Variants in SNX31 observed in about 807,000 individuals in gnomAD.
SNX31 encodes sorting nexin-31.
SNX31 carries 58 observed loss-of-function variants against 65.4 expected under a neutral mutation model. The observed-to-expected ratio is 0.89, with a 90% confidence interval of 0.72 to 1.10. SNX31 has a LOEUF of 1.10. Ranked by LOEUF, SNX31 falls within the 50% of genes least tolerant of loss-of-function variation. The probability of loss-of-function intolerance (pLI) is 0.00; values close to 1 mark genes in which losing one functional copy is unlikely to be tolerated. For synonymous variants in SNX31, 181 were observed against 190.1 expected (o/e 0.95, Z 0.39); for missense variants, 523 against 529.7 (o/e 0.99, Z 0.12).
At chr8:100,597,626 G>A (rs1213074799) in intron 9 of SNX31, among the ~76,000 whole-genome samples, 1 of 152,234 alleles carries the variant, frequency 6.6e-6, no homozygotes, top group Non-Finnish European at 1.5e-5. Context: ...TTATATGATG[G>A]TGGTAGTAAT....
chr8:100,581,311 T>TATATATATATATA, intron 12 of SNX31, among the ~76,000 whole-genome samples: 1 of 122,718 alleles, frequency 8.1e-6, no homozygotes, highest in Admixed American at 8.2e-5. Flanking sequence ...AAAAAATTTT[T>TATATATATATATA]TATATATCTA....
upstream of SNX31, among the ~76,000 whole-genome samples, chr8:100,652,851 G>A (rs545352075): frequency 3.9e-5 from 6 of 152,150 alleles, no homozygotes; most frequent in East Asian, 1.2e-3. Flanking sequence ...ACACCAGAGG[G>A]GCCCAGCCAA....
chr8:100,633,824 C>T (rs1018588731), intron 3 of SNX31, among the ~76,000 whole-genome samples: 4 of 151,858 alleles, frequency 2.6e-5, no homozygotes, highest in African/African-American at 4.8e-5. Flanking sequence ...ATCTGGGTGG[C>T]GTATACAGAA....
chr8:100,598,900 C>T (rs1206943155), intron 9 of SNX31, among the ~76,000 whole-genome samples: 2 of 152,212 alleles, frequency 1.3e-5, no homozygotes, highest in African/African-American at 4.8e-5. Context: ...GCCAATAAAA[C>T]TTTATTTGCA....
chr8:100,587,678 C>T (rs1335510626), intron 11 of SNX31, among the ~76,000 whole-genome samples: 2 of 152,198 alleles, frequency 1.3e-5, no homozygotes, highest in East Asian at 1.9e-4. Context: ...GACATCTTTG[C>T]TTTCTGATGG....
At position 100,630,268 on chromosome 8, in the gene SNX31, G is replaced by C; in HGVS notation, c.321+59C>G. 1 of 1,521,876 alleles carries C rather than the reference G, an allele frequency of 6.6e-7. No homozygotes were observed. Among genetic ancestry groups the C allele is most frequent in the Admixed American group, 1.7e-5 (1 of 59,230 alleles). The allele number at this position is 1,521,876 out of a possible 1,614,324, so 94.3% of individuals were successfully genotyped here. On this transcript the variant is annotated intron_variant, in intron 4 of 13. Transcript: ENST00000311812. The surrounding 1 kb of genome is among the most constrained non-coding windows in gnomAD (Gnocchi z 5.3). ...CACATGTGTGTGTACCTGCACACTT[G>C]GTTCATGAAGAGTGTCCTGCAGAGG...
At chr8:100,637,538 C>T (rs778867969) in intron 2 of SNX31, among the ~76,000 whole-genome samples, 3 of 152,140 alleles carry the variant, frequency 2.0e-5, no homozygotes, top group African/African-American at 4.8e-5. Flanking sequence ...TCAAGAATCT[C>T]ATGACTTCTC....
rs146603887 is a variant in SNX31, at chr8:100,613,022, G to C, written c.496C>G (p.Arg166Gly). Reference sequence around the variant, plus strand: ...GAGAGCTTGCCCTCCTTGCCAAACCGAATGAGAAAGAGGCCGAAGTAGCCC... The same window carrying C: ...GAGAGCTTGCCCTCCTTGCCAAACCCAATGAGAAAGAGGCCGAAGTAGCCC... The part of the protein sequence containing the change: ...LLGYFGLFLI[R>G]FGKEGKLSVV... The change falls in exon 6 of 14, where the codon CGG becomes GGG. Residue 166 changes from arginine (R) to glycine (G), a missense_variant. Coordinates refer to ENST00000311812, the MANE Select transcript of SNX31 (RefSeq NM_152628.4). The surrounding 1 kb of genome is among the most constrained non-coding windows in gnomAD (Gnocchi z 5.2). The C allele has an allele frequency of 6.2e-7, 1 of 1,613,904 alleles. No individual in the cohort carries two copies. The highest frequency in any genetic ancestry group is 1.7e-5 in the Admixed American group (1 of 60,004).
chr8:100,639,199 G>A (rs7008763), intron 2 of SNX31, among the ~76,000 whole-genome samples: 72,546 of 151,936 alleles, frequency 0.48, 17,607 homozygotes, highest in African/African-American at 0.55. Flanking sequence ...CAGAAGCTTC[G>A]TGTTTGCAAA....
At position 100,618,286 on chromosome 8, in the gene SNX31, C is replaced by A. The variant is rs981920551; in HGVS notation, c.322-556G>T. The A allele has an allele frequency of 6.6e-6, 10 of 1,516,356 alleles. No individual in the cohort carries two copies. The African/African-American group carries it at 1.1e-4, about 17-fold the overall frequency. 93.9% of individuals were successfully genotyped at this position (1,516,356 alleles called of 1,614,324 possible). A position where few individuals can be genotyped will look rare whatever the true frequency, so the allele number is the denominator to read the frequency against. ...TGAGTATCTATATTGGAGAAAACAG[C>A]TTTTGATAAAGTCTGCATCCTTAAC... On this transcript the variant is annotated intron_variant, in intron 4 of 13. Transcript: ENST00000311812.
At position 100,629,608 on chromosome 8, in the gene SNX31, CT is replaced by C. The variant is rs1818286042; in HGVS notation, c.321+718del. 1.3e-5 allele frequency among the ~76,000 whole-genome samples: 2 copies of C among 152,210 alleles called. No individual in the cohort carries two copies. Among genetic ancestry groups the C allele is most frequent in the South Asian group, 4.1e-4 (2 of 4,832 alleles). ...TTTTGCAAATCTGATCATTCCTCCC[CT>C]GGCTAAGGATCCAGTTAACTAGTAT... On this transcript the variant is annotated intron_variant, in intron 4 of 13. Coordinates refer to ENST00000311812, the MANE Select transcript of SNX31 (RefSeq NM_152628.4). The surrounding 1 kb of genome is among the most constrained non-coding windows in gnomAD (Gnocchi z 5.1).
chr8:100,645,571 AT>A (rs764158200), intron 2 of SNX31, among the ~76,000 whole-genome samples: 124 of 143,402 alleles, frequency 8.6e-4, no homozygotes, highest in Non-Finnish European at 1.6e-3. Context: ...TTGTATTTGT[AT>A]TTGCTAAATC....
chr8:100,601,149 G>T (rs922901421), intron 8 of SNX31, among the ~76,000 whole-genome samples: 2 of 152,176 alleles, frequency 1.3e-5, no homozygotes, highest in African/African-American at 4.8e-5. Flanking sequence ...GCAAACACAT[G>T]TACAGTGCTT....
chr8:100,632,235 A>G (rs1818460028), intron 3 of SNX31, among the ~76,000 whole-genome samples: 1 of 152,162 alleles, frequency 6.6e-6, no homozygotes, highest in African/African-American at 2.4e-5. Context: ...GGAAAAGCGA[A>G]CCCTCAAGCA....
At chr8:100,654,782 G>A (rs1177583413) in intron 1 of SNX31, among the ~76,000 whole-genome samples, 1 of 152,210 alleles carries the variant, frequency 6.6e-6, no homozygotes, top group African/African-American at 2.4e-5. Flanking sequence ...GGAGGCTGAG[G>A]CATGCGGATC....
intron 9 of SNX31, among the ~76,000 whole-genome samples, chr8:100,598,279 C>G (rs530333606): frequency 1.3e-5 from 2 of 152,256 alleles, no homozygotes; most frequent in Non-Finnish European, 2.9e-5. Flanking sequence ...TCAGAAAGGA[C>G]AGGTTGTAAG....
chr8:100,597,783 G>C (rs2130914943), intron 9 of SNX31, among the ~76,000 whole-genome samples: 1 of 152,288 alleles, frequency 6.6e-6, no homozygotes, highest in East Asian at 1.9e-4. Flanking sequence ...TAAGAACTGA[G>C]GACAGTTGCA....
Position 100,614,213 on chromosome 8 carries a change from C to G in SNX31, c.433-1128G>C, listed in dbSNP as rs1231289656. 6.6e-6 allele frequency among the ~76,000 whole-genome samples: 1 copy of G among 152,188 alleles called. No individual in the cohort carries two copies. Among genetic ancestry groups the G allele is most frequent in the Non-Finnish European group, 1.5e-5 (1 of 68,034 alleles). Reference sequence around the variant, plus strand: ...CCCCCATGTTTTGGGCTGCAAAACACCCAAAAGCCAAACACAGTGGGTAAG... The same window carrying G: ...CCCCCATGTTTTGGGCTGCAAAACAGCCAAAAGCCAAACACAGTGGGTAAG... On this transcript the variant is annotated intron_variant, in intron 5 of 13. Transcript: ENST00000311812. This position sits in a 1 kb window ranked among gnomAD's most constrained non-coding sequence, Gnocchi z 5.1.
intron 13 of SNX31, among the ~76,000 whole-genome samples, chr8:100,574,659 G>A (rs911550961): frequency 2.1e-4 from 31 of 151,010 alleles, no homozygotes; most frequent in Admixed American, 1.3e-4. Flanking sequence ...AAGAGGCCGT[G>A]TACAGTGGCT....
Sources: gnomAD v4.1 joint callset for allele counts (sites outside exome capture counted in the v4.1 genomes callset) on GRCh38, gnomAD v4.1.1 for gene constraint, Gnocchi (gnomAD v3.1) non-coding constraint, MANE v1.5 for transcripts, NCBI Gene and HGNC (gene_info 2026-07-23, HGNC 2026-07-21) for gene names.